TANC1: variants seen among roughly 807,000 people sequenced by gnomAD.
TANC1 encodes tetratricopeptide repeat, ankyrin repeat and coiled-coil containing 1.
Under a neutral mutation model 149.7 loss-of-function variants are expected in TANC1, and 77 were observed. That is an observed-to-expected ratio of 0.51 (90% confidence interval 0.43 to 0.62). The LOEUF (loss-of-function observed/expected upper bound fraction) is 0.62. Ranked by LOEUF, TANC1 falls within the 20% of genes least tolerant of loss-of-function variation. TANC1 has a pLI of 0.00. For missense variants in TANC1, 1,985 were observed against 2,321.8 expected, an observed-to-expected ratio of 0.85 and a Z score of 2.98; for synonymous variants, 854 against 925.0, an observed-to-expected ratio of 0.92 and a Z score of 1.39.
At chr2:159,149,772 C>A (rs1455651692) in intron 6 of TANC1, 1 of 185,924 alleles carries the variant, frequency 5.4e-6, no homozygotes, top group Non-Finnish European at 1.1e-5. Context: ...GCAGCATGCA[C>A]CCTGCCACCT....
chr2:159,069,167 A>G (rs189063007), intron 3 of TANC1, among the ~76,000 whole-genome samples: 92 of 152,356 alleles, frequency 6.0e-4, no homozygotes, highest in African/African-American at 2.1e-3. Context: ...ATAGCTGGGC[A>G]AAAAGTGTTT....
chr2:159,146,290 A>C (rs1025279298), intron 5 of TANC1, among the ~76,000 whole-genome samples: 1 of 152,212 alleles, frequency 6.6e-6, no homozygotes, highest in East Asian at 1.9e-4. Flanking sequence ...TTCAGACTGA[A>C]GGGGACCTTT....
chr2:159,071,940 A>G (rs2043190345), intron 3 of TANC1, among the ~76,000 whole-genome samples: 1 of 152,210 alleles, frequency 6.6e-6, no homozygotes, highest in African/African-American at 2.4e-5. Context: ...AAATGTTAGA[A>G]CATGATTTAA....
intron 2 of TANC1, among the ~76,000 whole-genome samples, chr2:159,040,029 G>C (rs557126218): frequency 4.4e-4 from 67 of 152,284 alleles, no homozygotes; most frequent in Admixed American, 4.1e-3. Context: ...ATGAATCTGG[G>C]TGCTCCTGCA....
intron 1 of TANC1, among the ~76,000 whole-genome samples, chr2:158,969,679 T>G (rs1434719739): frequency 6.6e-6 from 1 of 152,226 alleles, no homozygotes; most frequent in African/African-American, 2.4e-5. Context: ...GTGGTGTGTT[T>G]GCAGACAGAA....
intron 16 of TANC1, among the ~76,000 whole-genome samples, chr2:159,190,564 A>G (rs1347555262): frequency 1.3e-5 from 2 of 152,002 alleles, no homozygotes; most frequent in African/African-American, 4.8e-5. Flanking sequence ...TATTATTATT[A>G]TTTTGAGATG....
chr2:158,982,767 C>T (rs1265010578), intron 1 of TANC1, among the ~76,000 whole-genome samples: 1 of 152,152 alleles, frequency 6.6e-6, no homozygotes, highest in Non-Finnish European at 1.5e-5. Context: ...ACCATCATGC[C>T]TGACTAATTT....
chr2:159,134,036 GA>G (rs574497217), intron 4 of TANC1, among the ~76,000 whole-genome samples: 62 of 152,308 alleles, frequency 4.1e-4, no homozygotes, highest in African/African-American at 1.4e-3. Flanking sequence ...CTTAGATGCA[GA>G]AGACGTTTGA....
At chr2:159,171,977 G>A in intron 10 of TANC1, 144 bp from the exon 11 acceptor site, 1 of 658,714 alleles carries the variant, frequency 1.5e-6, no homozygotes, top group African/African-American at 1.8e-5. Context: ...ATGGGAACCT[G>A]TGCTCTCATG....
chr2:158,981,495 A>T lies in TANC1; in HGVS notation c.-126+12713A>T, dbSNP rs1445251027. 0.019 allele frequency among the ~76,000 whole-genome samples: 184 copies of T among 9,794 alleles called. 5 individuals carry two copies. The East Asian group carries it at 0.33, about 17-fold the overall frequency. The allele number at this position is 9,794 out of a possible 152,430, so 6.4% of individuals were successfully genotyped here. A position where few individuals can be genotyped will look rare whatever the true frequency, so the allele number is the denominator to read the frequency against. The stretch of plus-strand genomic sequence containing the variant: ...TTAGCAATTAATATATAGCTTTTAT[A>T]TATATATATATATATATATATATAT... On this transcript the variant is annotated intron_variant, in intron 1 of 26. Coordinates refer to ENST00000263635, the MANE Select transcript of TANC1 (RefSeq NM_033394.3).
chr2:159,098,341 A>G (rs2046343574), intron 4 of TANC1, among the ~76,000 whole-genome samples: 1 of 152,242 alleles, frequency 6.6e-6, no homozygotes, highest in Admixed American at 6.5e-5. Flanking sequence ...AGGCTATGCC[A>G]TATAGCCTAG....
At chr2:159,181,916 T>C (rs754347895) in intron 14 of TANC1, among the ~76,000 whole-genome samples, 10 of 152,056 alleles carry the variant, frequency 6.6e-5, no homozygotes, top group Non-Finnish European at 1.3e-4. Context: ...ATAGTTTGAG[T>C]CTGGCCGGGT....
intron 4 of TANC1, among the ~76,000 whole-genome samples, chr2:159,125,814 C>T (rs1415068561): frequency 6.6e-6 from 1 of 152,104 alleles, no homozygotes; most frequent in Admixed American, 6.6e-5. Context: ...TCTCGAACTC[C>T]TGACCTCAGG....
At chr2:159,160,042 C>G (rs1425527402) in intron 7 of TANC1, among the ~76,000 whole-genome samples, 1 of 152,084 alleles carries the variant, frequency 6.6e-6, no homozygotes, top group Non-Finnish European at 1.5e-5. Flanking sequence ...TACACTAGTA[C>G]AAAGGAAGAT....
In TANC1 at chr2:159,175,201, A is replaced by T. The variant is rs2055710114; in HGVS notation, c.1735+17A>T. The stretch of plus-strand genomic sequence containing the variant: ...TGAGAAATGGTACTTCGCAGCAGCT[A>T]CCCACAGCCCCATCTCAGTAGTGGT... On this transcript the variant is annotated intron_variant, in intron 12 of 26. Transcript: ENST00000263635. 1 of 1,598,860 alleles carries T rather than the reference A, an allele frequency of 6.3e-7. No homozygotes were observed. The highest frequency in any genetic ancestry group is 1.7e-5 in the Admixed American group (1 of 59,964).
chr2:159,202,007 C>A (rs1446538588), intron 19 of TANC1, among the ~76,000 whole-genome samples: 1 of 152,242 alleles, frequency 6.6e-6, no homozygotes, highest in Non-Finnish European at 1.5e-5. Flanking sequence ...CGCACAAATT[C>A]TTCCTCCAGT....
rs540328292 is a variant in TANC1, at chr2:159,200,919, C to A, written c.3244+1866C>A. ...CTCCCTTCCAAAGCCTCATGAGTAA[C>A]CTTCAGACCACTTTGCAACCTGGGA... On this transcript the variant is annotated intron_variant, in intron 19 of 26. Transcript: ENST00000263635. 2.0e-5 allele frequency among the ~76,000 whole-genome samples: 3 copies of A among 152,296 alleles called. No individual in the cohort carries two copies. The East Asian group carries it at 5.8e-4, about 29-fold the overall frequency.
At chr2:159,007,572 C>T (rs909641091) in intron 2 of TANC1, among the ~76,000 whole-genome samples, 1 of 152,180 alleles carries the variant, frequency 6.6e-6, no homozygotes, top group Non-Finnish European at 1.5e-5. Context: ...GAGCAATAGT[C>T]TCTACCACAG....
chr2:158,991,553 A>G (rs994794185), intron 1 of TANC1, among the ~76,000 whole-genome samples: 2 of 151,958 alleles, frequency 1.3e-5, no homozygotes, highest in Admixed American at 6.6e-5. Flanking sequence ...GGAGATTGAG[A>G]CCATCCTGGC....
Sources: gnomAD v4.1 joint callset for allele counts (sites outside exome capture counted in the v4.1 genomes callset) on GRCh38, gnomAD v4.1.1 for gene constraint, MANE v1.5 for transcripts, NCBI Gene and HGNC (gene_info 2026-07-23, HGNC 2026-07-21) for gene names.